Variants in CA8 observed in about 807,000 individuals in gnomAD.
The protein encoded by CA8 is carbonic anhydrase 8 (inactive).
In CA8, 22 loss-of-function variants were observed where a neutral mutation model predicts 41.4. The ratio of observed to expected loss-of-function variants is 0.53; its 90% CI spans 0.38 to 0.76. The LOEUF (loss-of-function observed/expected upper bound fraction) is 0.76, where lower values mean the gene tolerates loss of function less well. Ranked by LOEUF, CA8 falls within the 30% of genes least tolerant of loss-of-function variation. The pLI is 0.00. For missense variants in CA8, 270 were observed against 352.8 expected, an observed-to-expected ratio of 0.77 and a Z score of 1.88; for synonymous variants, 121 against 130.6, an observed-to-expected ratio of 0.93 and a Z score of 0.50.
chr8:60,237,991 T>C (rs1381591411), intron 3 of CA8, among the ~76,000 whole-genome samples: 1 of 152,196 alleles, frequency 6.6e-6, no homozygotes, highest in Non-Finnish European at 1.5e-5. Flanking sequence ...CCATGATGCA[T>C]CCTTTTACAG....
At position 60,268,982 on chromosome 8, in the gene CA8, C is replaced by T. The variant is rs77388433; in HGVS notation, c.293-2933G>A. 4.9e-3 allele frequency among the ~76,000 whole-genome samples: 746 copies of T among 152,294 alleles called. 7 individuals are homozygous for T. The highest frequency in any genetic ancestry group is 0.016 in the African/African-American group (666 of 41,560). Reference sequence around the variant, plus strand: ...CAAAGAGGTGGCTGTCAGCCAGGAACCAGGCTCTGGGTACCTTTCACTGTT... The same window carrying T: ...CAAAGAGGTGGCTGTCAGCCAGGAATCAGGCTCTGGGTACCTTTCACTGTT... On this transcript the variant is annotated intron_variant, in intron 2 of 8. Transcript: ENST00000317995.
rs1168488694 is a variant in CA8 at position 60,188,029 on chromosome 8, T to TA, written c.*1991dup. The stretch of plus-strand genomic sequence containing the variant: ...AATCTGAGGTAACTAACTGTGGAAT[T>TA]AAAGGATTTTCCATATAAAGAATAT... On this transcript the variant is annotated 3_prime_UTR_variant, in exon 9 of 9. Transcript: ENST00000317995. 3 of 152,200 alleles carry TA rather than the reference T, an allele frequency of 2.0e-5. No homozygotes were observed. Among genetic ancestry groups the TA allele is most frequent in the Non-Finnish European group, 4.4e-5 (3 of 68,044 alleles). The allele number at this position is 152,200 out of a possible 1,614,324, so 9.4% of individuals were successfully genotyped here.
chr8:60,234,197 C>G (rs2130501218), intron 3 of CA8, among the ~76,000 whole-genome samples: 1 of 152,270 alleles, frequency 6.6e-6, no homozygotes, highest in Non-Finnish European at 1.5e-5. Flanking sequence ...CAGTGAGAGA[C>G]ACTCCACAAA....
At chr8:60,281,021 CG>C in intron 1 of CA8, 26 bp downstream of exon 1, 1 of 1,553,626 alleles carries the variant, frequency 6.4e-7, no homozygotes, top group Non-Finnish European at 8.9e-7. Flanking sequence ...CGCGGGACCC[CG>C]GACACCCCGA....
chr8:60,233,745 CA>C (rs1178721692), intron 3 of CA8, among the ~76,000 whole-genome samples: 1 of 152,170 alleles, frequency 6.6e-6, no homozygotes, highest in Non-Finnish European at 1.5e-5. Flanking sequence ...CCACAAATTA[CA>C]AAATTCCAAC....
chr8:60,218,775 G>A (rs1807121077), intron 7 of CA8, among the ~76,000 whole-genome samples: 2 of 152,184 alleles, frequency 1.3e-5, no homozygotes, highest in Non-Finnish European at 1.5e-5. Flanking sequence ...TAAATGCAGA[G>A]GAAAGTTTGA....
intron 3 of CA8, among the ~76,000 whole-genome samples, chr8:60,261,957 G>A (rs112716443): frequency 0.04 from 6,059 of 152,132 alleles, 179 homozygotes; most frequent in South Asian, 0.13. Context: ...TGATCCGCCC[G>A]CCTCGGCCTC....
At position 60,186,408 on chromosome 8, in the gene CA8, G is replaced by GA. The variant is rs1423910905; in HGVS notation, c.*3612dup. Among the ~76,000 whole-genome samples, 3 of 149,196 alleles carry GA rather than the reference G, an allele frequency of 2.0e-5. No homozygotes were observed. Among genetic ancestry groups the GA allele is most frequent in the African/African-American group, 4.9e-5 (2 of 40,546 alleles). The stretch of plus-strand genomic sequence containing the variant: ...ACTGTGAAAATATACTCAAAAAAAT[G>GA]AAAAAAATAATTAAAGCAATTGAAA... On this transcript the variant is annotated 3_prime_UTR_variant, in exon 9 of 9. Transcript: ENST00000317995.
At chr8:60,238,731 T>TA (rs1019400786) in intron 3 of CA8, among the ~76,000 whole-genome samples, 3 of 152,120 alleles carry the variant, frequency 2.0e-5, no homozygotes, top group Admixed American at 1.3e-4. Flanking sequence ...ATATCAGACT[T>TA]ACATTTCTCA....
intron 3 of CA8, among the ~76,000 whole-genome samples, chr8:60,240,140 T>C (rs1457511436): frequency 6.6e-6 from 1 of 152,142 alleles, no homozygotes; most frequent in Non-Finnish European, 1.5e-5. Context: ...CAAAGTGCCA[T>C]TAAAAGAGAA....
chr8:60,236,544 A>G (rs372180883), intron 3 of CA8, among the ~76,000 whole-genome samples: 12 of 152,218 alleles, frequency 7.9e-5, no homozygotes, highest in Non-Finnish European at 1.5e-4. Flanking sequence ...ACTAATACCA[A>G]TGGGAATAAA....
At chr8:60,190,278 A>G (rs1047908933) in intron 8 of CA8, among the ~76,000 whole-genome samples, 1 of 151,552 alleles carries the variant, frequency 6.6e-6, no homozygotes, top group Non-Finnish European at 1.5e-5. Context: ...AAAAATATGT[A>G]TATCATGTCA....
intron 7 of CA8, among the ~76,000 whole-genome samples, chr8:60,213,292 C>T (rs1002797158): frequency 6.6e-6 from 1 of 152,244 alleles, no homozygotes; most frequent in African/African-American, 2.4e-5. Context: ...AAAGGAGCCT[C>T]AGCCTTGGCC....
At chr8:60,234,216 C>T (rs1243206704) in intron 3 of CA8, among the ~76,000 whole-genome samples, 1 of 152,122 alleles carries the variant, frequency 6.6e-6, no homozygotes, top group African/African-American at 2.4e-5. Context: ...AAATACTTCA[C>T]CAGTAAGTAC....
intron 1 of CA8, 137 bp downstream of exon 1, chr8:60,280,911 G>C: frequency 1.4e-6 from 1 of 703,840 alleles, no homozygotes; most frequent in Admixed American, 2.1e-5. Context: ...GAGTGGGAAA[G>C]TGGCAGAGAC....
chr8:60,193,211 A>G (rs1806186306), intron 8 of CA8, among the ~76,000 whole-genome samples: 1 of 152,128 alleles, frequency 6.6e-6, no homozygotes, highest in Non-Finnish European at 1.5e-5. Context: ...AACTGATTCA[A>G]TGCACAAATA....
chr8:60,204,199 T>G (rs1806511790), intron 8 of CA8, among the ~76,000 whole-genome samples: 1 of 152,348 alleles, frequency 6.6e-6, no homozygotes, highest in Middle Eastern at 3.4e-3. Flanking sequence ...TGTCCACTTT[T>G]GAGTATACAT....
chr8:60,237,523 A>G (rs964878297), intron 3 of CA8, among the ~76,000 whole-genome samples: 1 of 151,974 alleles, frequency 6.6e-6, no homozygotes, highest in Non-Finnish European at 1.5e-5. Context: ...AGGGTCACTT[A>G]CTCCTCCAGG....
intron 4 of CA8, among the ~76,000 whole-genome samples, chr8:60,228,367 G>A (rs905908341): frequency 2.0e-5 from 3 of 152,088 alleles, no homozygotes; most frequent in African/African-American, 7.3e-5. Flanking sequence ...CAGGAGAAAT[G>A]GACTTCTCTT....
Sources: allele counts gnomAD v4.1 joint callset (sites outside exome capture counted in the v4.1 genomes callset), GRCh38; gene constraint gnomAD v4.1.1; transcripts MANE v1.5; gene names NCBI Gene and HGNC (gene_info 2026-07-23, HGNC 2026-07-21).